DHX40: variants seen among roughly 807,000 people sequenced by gnomAD.
DHX40 encodes the protein DEAH-box helicase 40.
DHX40 carries 28 observed loss-of-function variants against 89.6 expected under a neutral mutation model. The observed-to-expected ratio is 0.31, with a 90% confidence interval of 0.23 to 0.43. The LOEUF (loss-of-function observed/expected upper bound fraction) is 0.43, where lower values mean the gene tolerates loss of function less well. Among genes scored for constraint, DHX40 ranks in the 20% least tolerant of loss-of-function variants. The pLI is 1.00. For missense variants in DHX40, 457 were observed against 844.0 expected, an observed-to-expected ratio of 0.54 and a Z score of 5.68; for synonymous variants, 226 against 283.6, an observed-to-expected ratio of 0.80 and a Z score of 2.04.
In DHX40 at chr17:59,605,744, T is replaced by G. The variant is rs146925898; in HGVS notation, c.2200+70T>G. On this transcript the variant is annotated intron_variant, in intron 17 of 17. Transcript: ENST00000251241. ...CTTCCCAGTAGTACTTCACTATTTT[T>G]GTTTATAAAAATGTTGTGACCCACC... 1.2e-3 allele frequency: 1,702 copies of G among 1,452,200 alleles called. 18 individuals carry two copies. In the African/African-American group the frequency reaches 0.021, roughly 18 times the overall value. 90.0% of individuals were successfully genotyped at this position (1,452,200 alleles called of 1,614,324 possible).
intron 2 of DHX40, among the ~76,000 whole-genome samples, chr17:59,569,936 C>T (rs1028378324): frequency 4.9e-5 from 7 of 143,936 alleles, no homozygotes; most frequent in South Asian, 2.1e-4. Context: ...CCCAGCTACT[C>T]GGGAGGCTGA....
rs1238970903 is a variant in DHX40, at chr17:59,570,519, G to A, written c.282G>A (p.Gly94=). 6.3e-7 allele frequency: 1 copy of A among 1,592,842 alleles called. No homozygotes were observed. The highest frequency in any genetic ancestry group is 1.4e-5 in the African/African-American group (1 of 73,328). ...TTTCTTTATCTCTGGTTTTGATAGGGTTTTCACAACATGGTATGATTGGTG... is the reference window on the plus strand; with the variant it reads ...TTTCTTTATCTCTGGTTTTGATAGGATTTTCACAACATGGTATGATTGGTG... ...TQLPKYLYEA[G]FSQHGMIGVT... The change falls in exon 3 of 18, where the codon GGG becomes GGA. Residue 94 remains glycine, a splice_region_variant and synonymous_variant. Coordinates refer to ENST00000251241, the MANE Select transcript of DHX40 (RefSeq NM_024612.5).
chr17:59,570,372 G>T, intron 2 of DHX40, 146 bp from the exon 3 acceptor site: 1 of 493,204 alleles, frequency 2.0e-6, no homozygotes. Flanking sequence ...TTTCCATGAT[G>T]CAAACATAGC....
chr17:59,605,290 C>T, intron 16 of DHX40, 106 bp downstream of exon 16: 1 of 1,286,962 alleles, frequency 7.8e-7, no homozygotes, highest in Admixed American at 2.0e-5. Flanking sequence ...TTACATATAT[C>T]TATATTACAT....
chr17:59,575,278 C>G (rs2048864858), intron 6 of DHX40, 62 bp from the exon 7 acceptor site: 8 of 1,295,400 alleles, frequency 6.2e-6, no homozygotes, highest in African/African-American at 1.5e-5. Flanking sequence ...TTGACATTTT[C>G]TTTATTTTTA....
intron 3 of DHX40, among the ~76,000 whole-genome samples, chr17:59,571,961 A>G (rs2048816200): frequency 6.6e-6 from 1 of 151,890 alleles, no homozygotes; most frequent in Non-Finnish European, 1.5e-5. Flanking sequence ...ACTTCGTGTC[A>G]CTCTTATTTC....
intron 12 of DHX40, among the ~76,000 whole-genome samples, chr17:59,588,355 C>G (rs1206441585): frequency 1.3e-5 from 2 of 151,070 alleles, no homozygotes; most frequent in East Asian, 1.9e-4. Context: ...ACAGCAATTT[C>G]TCCTATTAAC....
At chr17:59,606,656 G>C (rs1216619093) in intron 17 of DHX40, among the ~76,000 whole-genome samples, 2 of 151,304 alleles carry the variant, frequency 1.3e-5, no homozygotes, top group Non-Finnish European at 2.9e-5. Flanking sequence ...TGAGGCAGGA[G>C]AATGGCGTGA....
In DHX40 at chr17:59,607,040, A is replaced by G; in HGVS notation, c.2208A>G (p.Ile736Met). Reference sequence around the variant, plus strand: ...AATTTGTAATGTTTTCAGATGGAATATCGAAAGACGTCTTAAAGAAAATGC... The same window carrying G: ...AATTTGTAATGTTTTCAGATGGAATGTCGAAAGACGTCTTAAAGAAAATGC... ...KENVKQLKDG[I>M]SKDVLKKMQR... The change falls in exon 18 of 18, where the codon ATA (isoleucine) becomes ATG (methionine). Residue 736 changes from isoleucine to methionine, a missense_variant. By Grantham distance (10) the Ile-to-Met change is conservative (BLOSUM62 1). Coordinates refer to ENST00000251241, the MANE Select transcript of DHX40 (RefSeq NM_024612.5). 1 of 1,613,298 alleles carries G rather than the reference A, an allele frequency of 6.2e-7. No individual in the cohort carries two copies. The highest frequency in any genetic ancestry group is 8.5e-7 in the Non-Finnish European group (1 of 1,179,608).
intron 10 of DHX40, among the ~76,000 whole-genome samples, chr17:59,585,498 G>A (rs979430877): frequency 3.6e-4 from 55 of 151,474 alleles, no homozygotes; most frequent in African/African-American, 9.5e-4. Flanking sequence ...CGAGGCGGGC[G>A]GATTGCTTAA....
intron 6 of DHX40, among the ~76,000 whole-genome samples, chr17:59,574,490 A>G (rs1464516218): frequency 6.6e-6 from 1 of 151,446 alleles, no homozygotes; most frequent in Non-Finnish European, 1.5e-5. Flanking sequence ...ACATAATAGT[A>G]TGTATATATA....
intron 2 of DHX40, among the ~76,000 whole-genome samples, chr17:59,570,008 C>T (rs2048770385): frequency 7.0e-6 from 1 of 141,956 alleles, no homozygotes; most frequent in Non-Finnish European, 1.5e-5. Context: ...TGCGCCATTG[C>T]ACTACAGCCT....
intron 15 of DHX40, chr17:59,604,788 G>A (rs1474443734): frequency 4.2e-6 from 1 of 238,820 alleles, no homozygotes; most frequent in Non-Finnish European, 8.3e-6. Flanking sequence ...ATCTTGAGAA[G>A]TCTAGCTAAT....
Position 59,588,064 on chromosome 17 carries a change from T to C in DHX40, c.1582+11T>C. 6.2e-7 allele frequency: 1 copy of C among 1,610,586 alleles called. No homozygotes were observed. Among genetic ancestry groups the C allele is most frequent in the Non-Finnish European group, 8.5e-7 (1 of 1,178,696 alleles). On this transcript the variant is annotated intron_variant, in intron 12 of 17. Transcript: ENST00000251241. ...TCTTCATTAGACCTGGTAAGATGTT[T>C]ATTTTAAGTTGTGTTTTTTAAAACT...
chr17:59,595,918 C>G (rs1567890677), intron 12 of DHX40, among the ~76,000 whole-genome samples: 1 of 151,192 alleles, frequency 6.6e-6, no homozygotes, highest in Admixed American at 6.6e-5. Context: ...GACTCCAGCT[C>G]TTTCTCTTCC....
intron 2 of DHX40, among the ~76,000 whole-genome samples, chr17:59,568,236 T>A (rs1046869493): frequency 1.1e-4 from 16 of 152,144 alleles, no homozygotes; most frequent in Non-Finnish European, 2.1e-4. Flanking sequence ...TCAAAAAAAA[T>A]AAATAAAAAT....
intron 12 of DHX40, among the ~76,000 whole-genome samples, chr17:59,591,304 C>G (rs1178312648): frequency 6.7e-6 from 1 of 149,430 alleles, no homozygotes; most frequent in African/African-American, 2.5e-5. Context: ...GACTCCATCC[C>G]CAAAAAGAAA....
chr17:59,605,564 C>A lies in DHX40; in HGVS notation c.2090C>A (p.Pro697His). The change falls in exon 17 of 18, where the codon CCC (proline) becomes CAC (histidine). Residue 697 changes from proline to histidine, a missense_variant. Pro to His is a moderately conservative substitution (Grantham distance 77). Transcript: ENST00000251241. ...IRYEWVRDLL[P>H]KLHEFNAHDL... ...TATGAATGGGTAAGAGACTTGTTAC[C>A]CAAGTTGCATGAATTTAATGCACAT... The A allele has an allele frequency of 6.2e-7, 1 of 1,614,050 alleles. No individual in the cohort carries two copies. Among genetic ancestry groups the A allele is most frequent in the Non-Finnish European group, 8.5e-7 (1 of 1,180,014 alleles).
intron 11 of DHX40, among the ~76,000 whole-genome samples, chr17:59,586,667 A>C (rs1470802962): frequency 6.7e-6 from 1 of 148,528 alleles, no homozygotes; most frequent in African/African-American, 2.4e-5. Flanking sequence ...CTCCATCTGA[A>C]AAAAAAAAAA....
Sources: allele counts gnomAD v4.1 joint callset (sites outside exome capture counted in the v4.1 genomes callset), GRCh38; gene constraint gnomAD v4.1.1; transcripts MANE v1.5; gene names NCBI Gene and HGNC (gene_info 2026-07-23, HGNC 2026-07-21).